Variants in MLH3 observed in about 807,000 individuals in gnomAD.
MLH3 encodes the protein DNA mismatch repair protein Mlh3.
A neutral mutation model predicts 122.2 loss-of-function variants in MLH3; 82 were observed. The ratio of observed to expected loss-of-function variants is 0.67; its 90% CI spans 0.56 to 0.81. MLH3 has a LOEUF of 0.81. Ranked by LOEUF, MLH3 falls within the 30% of genes least tolerant of loss-of-function variation. The pLI, the probability that MLH3 is intolerant of heterozygous loss-of-function variation, is 0.00. For missense variants in MLH3, 1,539 were observed against 1,714.5 expected (o/e 0.90, Z 1.81); for synonymous variants, 524 against 599.5 (o/e 0.87, Z 1.84).
chr14:75,020,483 C>T (rs904574397), intron 11 of MLH3, among the ~76,000 whole-genome samples: 46 of 152,222 alleles, frequency 3.0e-4, no homozygotes, highest in African/African-American at 1.0e-3. Context: ...CTGAATCAGA[C>T]GGACCGAAGA....
chr14:75,033,589 C>T (rs1595057110), intron 6 of MLH3, 99 bp from the exon 7 acceptor site: 1 of 837,758 alleles, frequency 1.2e-6, no homozygotes, highest in Non-Finnish European at 2.1e-6. Flanking sequence ...TATCTAACAA[C>T]AGCATAAGAC....
At chr14:75,040,170 C>T (rs989692881) in intron 4 of MLH3, among the ~76,000 whole-genome samples, 155 bp from the exon 5 acceptor site, 1 of 151,662 alleles carries the variant, frequency 6.6e-6, no homozygotes, top group Non-Finnish European at 1.5e-5. Flanking sequence ...AAAGAATCGG[C>T]CGGGCGTGGT....
rs966385379 is a variant in MLH3, at chr14:75,026,476, C to T, written c.3988-3458G>A. On this transcript the variant is annotated intron_variant, in intron 9 of 12. Transcript: ENST00000355774. ...AGTGAGGAGATTTCACAGAATGTATCACAGAGAGAAAGCAATGGGAAATAT... is the reference window on the plus strand; with the variant it reads ...AGTGAGGAGATTTCACAGAATGTATTACAGAGAGAAAGCAATGGGAAATAT... 2.6e-4 allele frequency among the ~76,000 whole-genome samples: 39 copies of T among 151,982 alleles called. 1 individual carries two copies. The highest frequency in any genetic ancestry group is 7.4e-5 in the Non-Finnish European group (5 of 68,010).
intron 9 of MLH3, 56 bp from the exon 10 acceptor site, chr14:75,023,074 T>C: frequency 6.3e-7 from 1 of 1,593,046 alleles, no homozygotes; most frequent in Non-Finnish European, 8.6e-7. Context: ...ACTTGCCCTT[T>C]GATAGTTTAC....
chr14:75,018,663 C>G (rs1278008484), intron 12 of MLH3, among the ~76,000 whole-genome samples, 166 bp downstream of exon 12: 2 of 152,152 alleles, frequency 1.3e-5, no homozygotes, highest in African/African-American at 4.8e-5. Context: ...TGGATTTGAG[C>G]TGGAAAATGA....
At chr14:75,034,936 GCC>G (rs1178290577) in intron 6 of MLH3, among the ~76,000 whole-genome samples, 1 of 151,706 alleles carries the variant, frequency 6.6e-6, no homozygotes, top group Non-Finnish European at 1.5e-5. Flanking sequence ...GGTGGCAGGT[GCC>G]TGTAGTCCCA....
intron 9 of MLH3, 31 bp from the exon 10 acceptor site, chr14:75,023,049 C>T: frequency 1.2e-6 from 2 of 1,613,678 alleles, no homozygotes; most frequent in African/African-American, 1.3e-5. Flanking sequence ...CGGCTTTAAT[C>T]TACGGTTATG....
chr14:75,027,341 C>T (rs556223784), intron 9 of MLH3, among the ~76,000 whole-genome samples: 23 of 151,182 alleles, frequency 1.5e-4, no homozygotes, highest in South Asian at 1.0e-3. Flanking sequence ...CTCATTGCAA[C>T]TTCCGCCTCC....
chr14:75,017,121 C>T lies in MLH3; in HGVS notation c.4323G>A (p.Gln1441=). 2 of 1,614,030 alleles carry T rather than the reference C, an allele frequency of 1.2e-6. No homozygotes were observed. Among genetic ancestry groups the T allele is most frequent in the Non-Finnish European group, 1.7e-6 (2 of 1,179,914 alleles). Residue 1441 remains glutamine, a synonymous_variant, in exon 13 of 13, where the codon CAG becomes CAA. Coordinates refer to ENST00000355774, the MANE Select transcript of MLH3 (RefSeq NM_001040108.2). ...LFGKAECDTR[Q]SLQQSMPPCE... ...AGGGAGGCATGGATTGCTGCAGGCT[C>T]TGCCTTGTATCACACTCTGCTTTTC...
rs754976496 is a variant in MLH3 at position 75,017,050 on chromosome 14, C to T, written c.*32G>A. 1 of 1,611,282 alleles carries T rather than the reference C, an allele frequency of 6.2e-7. No individual in the cohort carries two copies. Among genetic ancestry groups the T allele is most frequent in the Admixed American group, 1.7e-5 (1 of 59,940 alleles). The stretch of plus-strand genomic sequence containing the variant: ...TGCTCAGAGGCATACAGTGAACATC[C>T]CTTTGTTCCTTTTAGACCAGTGATT... On this transcript the variant is annotated 3_prime_UTR_variant, in exon 13 of 13. Transcript: ENST00000355774.
intron 2 of MLH3, among the ~76,000 whole-genome samples, chr14:75,043,020 C>T (rs762191154): frequency 6.6e-6 from 1 of 152,186 alleles, no homozygotes; most frequent in Non-Finnish European, 1.5e-5. Flanking sequence ...TTGTGATCCA[C>T]CCGCCTCGGC....
chr14:75,037,969 G>A (rs1016448713), intron 6 of MLH3, among the ~76,000 whole-genome samples: 1 of 152,086 alleles, frequency 6.6e-6, no homozygotes, highest in African/African-American at 2.4e-5. Flanking sequence ...GCGCAATCTC[G>A]GCTCACTACA....
chr14:75,034,608 CTTCT>C (rs981097572), intron 6 of MLH3, among the ~76,000 whole-genome samples: 7 of 152,102 alleles, frequency 4.6e-5, no homozygotes, highest in Non-Finnish European at 1.0e-4. Context: ...AAGAAATAGT[CTTCT>C]TTTTTTTTCC....
rs758319075 is a variant in MLH3, at chr14:75,047,294, G to T, written c.2362C>A (p.Pro788Thr). 21 of 1,613,844 alleles carry T rather than the reference G, an allele frequency of 1.3e-5. No individual in the cohort carries two copies. In the East Asian group the frequency reaches 4.5e-4, roughly 34 times the overall value. Residue 788 changes from proline (P) to threonine (T), a missense_variant, in exon 2 of 13, where the codon CCT (proline) becomes ACT (threonine). Physicochemically the swap from Pro to Thr is conservative, Grantham distance 38 (BLOSUM62 -1). Transcript: ENST00000355774. Reference protein sequence around the residue: ...VTTNLSLQVEPDILLKDKNRL... With the variant: ...VTTNLSLQVETDILLKDKNRL... ...TTCTTGTCCTTCAGCAGAATGTCAG[G>T]TTCAACTTGAAGACTGAGATTGGTA...
In MLH3 at chr14:75,048,329, A is replaced by C. The variant is rs766028168; in HGVS notation, c.1327T>G (p.Tyr443Asp). ...KNTNDAFLYI[Y>D]ESGGPGHSKM... ...CTATGGCCTGGACCACCTGATTCAT[A>C]AATGTACAAAAATGCATCATTTGTA... Residue 443 changes from tyrosine (Y) to aspartate (D), a missense_variant, in exon 2 of 13, where the codon TAT becomes GAT. Physicochemically the swap from Tyr to Asp is radical, Grantham distance 160 (BLOSUM62 -3). Transcript: ENST00000355774. 1 of 1,613,940 alleles carries C rather than the reference A, an allele frequency of 6.2e-7. No individual in the cohort carries two copies. Among genetic ancestry groups the C allele is most frequent in the African/African-American group, 1.3e-5 (1 of 74,944 alleles).
At chr14:75,027,686 A>AAAAAAAAAAAC (rs1566580490) in intron 9 of MLH3, among the ~76,000 whole-genome samples, 4 of 149,586 alleles carry the variant, frequency 2.7e-5, no homozygotes, top group Admixed American at 6.6e-5. Context: ...AAAAAAAAAA[A>AAAAAAAAAAAC]AAAAAAAACC....
At chr14:75,041,555 T>C in intron 4 of MLH3, 60 bp downstream of exon 4, 2 of 1,363,636 alleles carry the variant, frequency 1.5e-6, no homozygotes, top group Non-Finnish European at 2.1e-6. Context: ...TCTCAAAATT[T>C]AAAAAATAAG....
chr14:75,027,688 A>ACC (rs1555341362), intron 9 of MLH3, among the ~76,000 whole-genome samples: 1,444 of 134,576 alleles, frequency 0.011, 53 homozygotes, highest in African/African-American at 0.036. Context: ...AAAAAAAAAA[A>ACC]AAAAAACCCA....
intron 9 of MLH3, among the ~76,000 whole-genome samples, chr14:75,027,015 C>T (rs957279997): frequency 6.6e-6 from 1 of 151,972 alleles, no homozygotes; most frequent in Non-Finnish European, 1.5e-5. Flanking sequence ...AGGAGAATCG[C>T]TTGAACCTGG....
Sources: allele counts gnomAD v4.1 joint callset (sites outside exome capture counted in the v4.1 genomes callset), GRCh38; gene constraint gnomAD v4.1.1; transcripts MANE v1.5; gene names NCBI Gene and HGNC (gene_info 2026-07-23, HGNC 2026-07-21).